UGT2B15: variants seen among roughly 807,000 people sequenced by gnomAD.
UGT2B15 encodes UDP glucuronosyltransferase family 2 member B15.
Under a neutral mutation model 45.9 loss-of-function variants are expected in UGT2B15, and 36 were observed. That is an observed-to-expected ratio of 0.78 (90% CI 0.60 to 1.04). UGT2B15 has a LOEUF of 1.04. Among genes scored for constraint, UGT2B15 ranks in the 50% least tolerant of loss-of-function variants. The probability of loss-of-function intolerance (pLI) is 0.00; values close to 1 mark genes in which losing one functional copy is unlikely to be tolerated. For missense variants in UGT2B15, 617 were observed against 622.4 expected (o/e 0.99, Z 0.09); for synonymous variants, 219 against 216.4 (o/e 1.01, Z -0.11).
At chr4:68,652,404 T>C (rs567754665) in intron 5 of UGT2B15, among the ~76,000 whole-genome samples, 3 of 151,688 alleles carry the variant, frequency 2.0e-5, no homozygotes, top group African/African-American at 7.2e-5. Flanking sequence ...TCCAGCATCT[T>C]ATTCTATATA....
At chr4:68,648,547 C>A (rs1732552107) in intron 5 of UGT2B15, among the ~76,000 whole-genome samples, 1 of 152,032 alleles carries the variant, frequency 6.6e-6, no homozygotes, top group Admixed American at 6.6e-5. Flanking sequence ...ATTTCTGGAA[C>A]TTTAAAATAT....
At chr4:68,654,004 A>T (rs1732727562) in intron 5 of UGT2B15, 33 bp downstream of exon 5, 1 of 1,601,136 alleles carries the variant, frequency 6.2e-7, no homozygotes, top group Non-Finnish European at 8.5e-7. Flanking sequence ...ATAATTTATA[A>T]ATACCACCTG....
At chr4:68,660,741 T>C (rs1023737296) in intron 3 of UGT2B15, among the ~76,000 whole-genome samples, 3 of 151,944 alleles carry the variant, frequency 2.0e-5, no homozygotes, top group African/African-American at 7.3e-5. Context: ...AAATAGTGTC[T>C]TCAGGTTTTT....
At chr4:68,649,949 C>T (rs1176928117) in intron 5 of UGT2B15, among the ~76,000 whole-genome samples, 1 of 151,798 alleles carries the variant, frequency 6.6e-6, no homozygotes, top group African/African-American at 2.4e-5. Context: ...TCTCCTGCCT[C>T]AACCTCCTGA....
Position 68,669,917 on chromosome 4 carries a change from G to T in UGT2B15, c.702C>A (p.Asp234Glu). The change falls in exon 1 of 6, where the codon GAC (aspartate) becomes GAA (glutamate). Residue 234 changes from aspartate to glutamate, a missense_variant. Asp to Glu is a conservative substitution (Grantham distance 45). Coordinates refer to ENST00000338206, the MANE Select transcript of UGT2B15 (RefSeq NM_001076.4). ...WFQIYDLKKW[D>E]QFYSEVLGRP... The stretch of plus-strand genomic sequence containing the variant: ...TACCTAGAACTTCACTATAAAACTG[G>T]TCCCACTTCTTCAGATCATAAATTT... 2 of 1,611,558 alleles carry T rather than the reference G, an allele frequency of 1.2e-6. No individual in the cohort carries two copies. The highest frequency in any genetic ancestry group is 1.7e-6 in the Non-Finnish European group (2 of 1,179,430).
rs147303514 is a variant in UGT2B15 at position 68,670,540 on chromosome 4, G to A, written c.79C>T (p.Leu27=). ...TGGCTGTATTCTGTGGGCCACACTA[G>A]CACCTTTCCACAGCTTCCAGAGCTA... The part of the protein sequence containing the change: ...YFSSGSCGKV[L]VWPTEYSHWI... The change falls in exon 1 of 6, where the codon CTA becomes TTA. Residue 27 remains leucine (L), a synonymous_variant. Transcript: ENST00000338206. 2 of 1,609,772 alleles carry A rather than the reference G, an allele frequency of 1.2e-6. No homozygotes were observed. The highest frequency in any genetic ancestry group is 2.7e-5 in the African/African-American group (2 of 74,718).
At chr4:68,653,189 C>T (rs1732705214) in intron 5 of UGT2B15, among the ~76,000 whole-genome samples, 2 of 151,982 alleles carry the variant, frequency 1.3e-5, no homozygotes, top group African/African-American at 2.4e-5. Context: ...CATATTTTTA[C>T]ACGGAAAATA....
In UGT2B15 at chr4:68,670,422, G is replaced by A. The variant is rs1733276432; in HGVS notation, c.197C>T (p.Ala66Val). ...LTSSASTLVN[A>V]SKSSAIKLEV... ...TAATTTAATAGCAGATGATTTACTG[G>A]CATTGACAAGAGTAGAAGCCGAAGA... The change falls in exon 1 of 6, where the codon GCC (alanine) becomes GTC (valine). Residue 66 changes from alanine (A) to valine (V), a missense_variant. Physicochemically the swap from Ala to Val is moderately conservative, Grantham distance 64. This residue lies in a region of UGT2B15 where 351 missense variants were observed against 342.1 expected (regional missense o/e 1.03). Transcript: ENST00000338206. 3 of 1,613,608 alleles carry A rather than the reference G, an allele frequency of 1.9e-6. No individual in the cohort carries two copies. Among genetic ancestry groups the A allele is most frequent in the Admixed American group, 3.3e-5 (2 of 59,884 alleles).
Position 68,670,452 on chromosome 4 carries a change from A to G in UGT2B15, c.167T>C (p.Leu56Ser). The G allele has an allele frequency of 1.2e-6, 2 of 1,614,020 alleles. No homozygotes were observed. The highest frequency in any genetic ancestry group is 1.7e-6 in the Non-Finnish European group (2 of 1,179,978). The change falls in exon 1 of 6, where the codon TTG becomes TCG. Residue 56 changes from leucine to serine, a missense_variant. Around this residue, in one of 3 missense-constraint regions of UGT2B15, gnomAD observed 351 missense variants for 342.1 expected, o/e 1.03. Transcript: ENST00000338206. ...GACAAGAGTAGAAGCCGAAGATGTCAACACAGTCACCTCATGACCCCTCTG... is the reference window on the plus strand; with the variant it reads ...GACAAGAGTAGAAGCCGAAGATGTCGACACAGTCACCTCATGACCCCTCTG... ...LVQRGHEVTV[L>S]TSSASTLVNA...
At chr4:68,659,934 T>G (rs983625460) in intron 3 of UGT2B15, among the ~76,000 whole-genome samples, 2 of 151,748 alleles carry the variant, frequency 1.3e-5, no homozygotes, top group African/African-American at 4.8e-5. Context: ...GTTTTGTTTT[T>G]TTTTCAGAGT....
chr4:68,666,357 A>C (rs1475650233), intron 2 of UGT2B15, among the ~76,000 whole-genome samples: 3 of 152,136 alleles, frequency 2.0e-5, no homozygotes, highest in Non-Finnish European at 2.9e-5. Context: ...GAAGACTGAT[A>C]TCTTAAATGG....
At chr4:68,659,322 A>C (rs1241349300) in intron 3 of UGT2B15, among the ~76,000 whole-genome samples, 1 of 151,952 alleles carries the variant, frequency 6.6e-6, no homozygotes, top group Non-Finnish European at 1.5e-5. Flanking sequence ...AAATTTTCCA[A>C]ACAAATTATA....
intron 3 of UGT2B15, among the ~76,000 whole-genome samples, chr4:68,662,421 T>C (rs1266965242): frequency 2.7e-5 from 4 of 150,310 alleles, no homozygotes. Flanking sequence ...TCTACTTGGC[T>C]AGGTGGGTAC....
intron 5 of UGT2B15, among the ~76,000 whole-genome samples, chr4:68,653,424 A>G (rs1157375732): frequency 6.6e-6 from 1 of 152,070 alleles, no homozygotes; most frequent in Non-Finnish European, 1.5e-5. Context: ...TATATAAAAT[A>G]TGTGAAGAGA....
chr4:68,663,197 A>T, intron 2 of UGT2B15, 58 bp from the exon 3 acceptor site: 2 of 1,560,396 alleles, frequency 1.3e-6, no homozygotes, highest in Non-Finnish European at 1.7e-6. Context: ...AACACTATTG[A>T]CAGGATTGTT....
rs1733255879 is a variant in UGT2B15 at position 68,670,030 on chromosome 4, C to CAT, written c.588_589insAT (p.Val197MetfsTer7). 6.2e-7 allele frequency: 1 copy of CAT among 1,614,046 alleles called. No homozygotes were observed. The highest frequency in any genetic ancestry group is 8.5e-7 in the Non-Finnish European group (1 of 1,179,958). On this transcript the variant is annotated frameshift_variant, in exon 1 of 6. Coordinates refer to ENST00000338206, the MANE Select transcript of UGT2B15 (RefSeq NM_001076.4). LOFTEE classifies it high-confidence loss of function. The stretch of plus-strand genomic sequence containing the variant: ...TGATCACTTAATTCTGACATAACAA[C>CAT]AGGTACATAGGAAGGAGGGAACAGA...
intron 5 of UGT2B15, among the ~76,000 whole-genome samples, chr4:68,650,869 T>C (rs2109819760): frequency 6.6e-6 from 1 of 152,218 alleles, no homozygotes; most frequent in East Asian, 1.9e-4. Flanking sequence ...TATCTCATTG[T>C]GGTTTTGATT....
At chr4:68,661,188 G>A (rs1263136771) in intron 3 of UGT2B15, among the ~76,000 whole-genome samples, 1 of 151,856 alleles carries the variant, frequency 6.6e-6, no homozygotes, top group African/African-American at 2.4e-5. Flanking sequence ...AAGCCTGGGG[G>A]CCCCAAAGTC....
At chr4:68,653,304 A>T (rs1732708226) in intron 5 of UGT2B15, among the ~76,000 whole-genome samples, 1 of 152,064 alleles carries the variant, frequency 6.6e-6, no homozygotes, top group Admixed American at 6.6e-5. Flanking sequence ...ATTATATAGA[A>T]ATAAAAATGA....
Sources: allele counts gnomAD v4.1 joint callset (sites outside exome capture counted in the v4.1 genomes callset), GRCh38; gene constraint gnomAD v4.1.1; regional missense constraint gnomAD v4.1.1; transcripts MANE v1.5; gene names NCBI Gene and HGNC (gene_info 2026-07-23, HGNC 2026-07-21).